The following MTA3 variants were observed in gnomAD, a reference collection of about 807,000 sequenced individuals.
MTA3 encodes metastasis-associated protein MTA3.
MTA3 carries 34 observed loss-of-function variants against 83.5 expected under a neutral mutation model. The ratio of observed to expected loss-of-function variants is 0.41; its 90% CI spans 0.31 to 0.54. The LOEUF is 0.54. Ranked by LOEUF, MTA3 falls within the 20% of genes least tolerant of loss-of-function variation. MTA3 has a pLI of 0.33. For missense variants in MTA3, 761 were observed against 726.4 expected, an observed-to-expected ratio of 1.05 and a Z score of -0.55; for synonymous variants, 303 against 252.7, an observed-to-expected ratio of 1.20 and a Z score of -1.89.
chr2:42,591,040 T>C (rs1680929807), intron 3 of MTA3, among the ~76,000 whole-genome samples: 1 of 152,208 alleles, frequency 6.6e-6, no homozygotes, highest in South Asian at 2.1e-4. Flanking sequence ...GACAAGGATA[T>C]GTTCTGAGAG....
chr2:42,675,029 G>A (rs762917552), intron 8 of MTA3, among the ~76,000 whole-genome samples: 3 of 151,732 alleles, frequency 2.0e-5, no homozygotes, highest in Non-Finnish European at 4.4e-5. Flanking sequence ...CTCCTGCCTT[G>A]GCCTCCCAGG....
upstream of MTA3, among the ~76,000 whole-genome samples, chr2:42,564,896 C>T (rs1299558890): frequency 1.3e-5 from 2 of 152,184 alleles, no homozygotes; most frequent in East Asian, 1.9e-4. Flanking sequence ...TCTGCCTCAG[C>T]CTCCTGAGTA....
intron 16 of MTA3, among the ~76,000 whole-genome samples, chr2:42,736,426 G>C (rs1668620800): frequency 6.6e-6 from 1 of 152,116 alleles, no homozygotes; most frequent in African/African-American, 2.4e-5. Context: ...GGCCTATGAT[G>C]ATCACTGCCT....
intron 2 of MTA3, among the ~76,000 whole-genome samples, chr2:42,557,279 A>C (rs910633234): frequency 2.2e-4 from 34 of 151,870 alleles, no homozygotes; most frequent in African/African-American, 8.0e-4. Flanking sequence ...ACTTTGTCTC[A>C]ATATAAATAA....
intron 3 of MTA3, among the ~76,000 whole-genome samples, chr2:42,584,212 A>G (rs1680004624): frequency 6.6e-6 from 1 of 152,144 alleles, no homozygotes; most frequent in South Asian, 2.1e-4. Context: ...AGAAGAATAC[A>G]GTATGCCTGG....
chr2:42,583,299 C>T (rs762214217), intron 3 of MTA3, among the ~76,000 whole-genome samples: 9 of 152,032 alleles, frequency 5.9e-5, no homozygotes, highest in African/African-American at 1.4e-4. Flanking sequence ...ACTATATATC[C>T]GGGAATGGTG....
intron 4 of MTA3, among the ~76,000 whole-genome samples, chr2:42,624,402 A>T (rs780032231): frequency 6.6e-6 from 1 of 151,972 alleles, no homozygotes; most frequent in East Asian, 1.9e-4. Context: ...GCTCACTGCA[A>T]CCTCCACCTC....
Position 42,568,780 on chromosome 2 carries a change from A to AGGCTC in MTA3, c.28+11_28+15dup. On this transcript the variant is annotated splice_region_variant and intron_variant, in intron 1 of 16. Transcript: ENST00000405094. ...AACATGTACCGGGTCGGAGGTAGGC[A>AGGCTC]GGCTCGGCCCGACCCGGCCCGTGTG... 2 of 1,215,556 alleles carry AGGCTC rather than the reference A, an allele frequency of 1.6e-6. No individual in the cohort carries two copies. The highest frequency in any genetic ancestry group is 1.6e-5 in the African/African-American group (1 of 63,468). The allele number at this position is 1,215,556 out of a possible 1,614,324, so 75.3% of individuals were successfully genotyped here.
rs562691868 is a variant in MTA3, at chr2:42,500,137, G to A, written c.-141+4883G>A. On this transcript the variant is annotated intron_variant, in intron 2 of 17. Transcript: ENST00000405592. Reference sequence around the variant, plus strand: ...TACAAAAATTTGGCCGGTGGCTCACGCCTATAATCTCAGCACTTTGTGAGG... The same window carrying A: ...TACAAAAATTTGGCCGGTGGCTCACACCTATAATCTCAGCACTTTGTGAGG... 8.5e-4 allele frequency among the ~76,000 whole-genome samples: 130 copies of A among 152,138 alleles called. 3 individuals carry two copies. Among genetic ancestry groups the A allele is most frequent in the African/African-American group, 2.7e-3 (111 of 41,512 alleles).
At chr2:42,516,737 T>A (rs1020661883) in intron 2 of MTA3, among the ~76,000 whole-genome samples, 13 of 152,164 alleles carry the variant, frequency 8.5e-5, no homozygotes, top group African/African-American at 3.1e-4. Context: ...TATTAAAGTA[T>A]GCAAAGAAAT....
At chr2:42,499,190 G>A (rs374539252) in intron 2 of MTA3, among the ~76,000 whole-genome samples, 2 of 144,496 alleles carry the variant, frequency 1.4e-5, no homozygotes, top group Admixed American at 6.9e-5. Flanking sequence ...TTTTTGAGAC[G>A]GAGTTTCACT....
rs1670040969 is a variant in MTA3 at position 42,753,585 on chromosome 2, C to T, written c.*186C>T. The T allele has an allele frequency of 7.1e-7, 1 of 1,410,910 alleles. No individual in the cohort carries two copies. Among genetic ancestry groups the T allele is most frequent in the African/African-American group, 1.4e-5 (1 of 69,052 alleles). 87.4% of individuals were successfully genotyped at this position (1,410,910 alleles called of 1,614,324 possible). On this transcript the variant is annotated 3_prime_UTR_variant, in exon 17 of 17. Transcript: ENST00000405094. ...AGTGCACGTTCCAAATCCTGTGTCT[C>T]CACGTGTGGATCAGCAGCACCTCGC... is the stretch of plus-strand genomic sequence containing the variant.
intron 4 of MTA3, among the ~76,000 whole-genome samples, chr2:42,610,449 T>G (rs937424243): frequency 2.6e-5 from 4 of 152,208 alleles, no homozygotes; most frequent in Non-Finnish European, 5.9e-5. Flanking sequence ...TTGGGCGATA[T>G]CTCTGGTTCT....
chr2:42,606,878 G>A (rs928225038), intron 3 of MTA3, among the ~76,000 whole-genome samples: 1 of 147,808 alleles, frequency 6.8e-6, no homozygotes, highest in Non-Finnish European at 1.5e-5. Context: ...AGGGGCTGGA[G>A]ACCGGCCTGG....
At chr2:42,606,236 G>T (rs1288194207) in intron 3 of MTA3, among the ~76,000 whole-genome samples, 1 of 146,344 alleles carries the variant, frequency 6.8e-6, no homozygotes. Context: ...GGTGGCTGCC[G>T]GGCGGAGACT....
At chr2:42,548,800 C>A (rs1297281101) in intron 2 of MTA3, among the ~76,000 whole-genome samples, 1 of 60,856 alleles carries the variant, frequency 1.6e-5, no homozygotes, top group African/African-American at 8.4e-5. Context: ...GAGACCCTGT[C>A]TCAAAAAAAA....
intron 2 of MTA3, among the ~76,000 whole-genome samples, chr2:42,546,243 T>C (rs1330328768): frequency 6.6e-6 from 1 of 152,132 alleles, no homozygotes; most frequent in African/African-American, 2.4e-5. Flanking sequence ...TCTCCATTGT[T>C]ACATGCTAAT....
chr2:42,598,661 A>G (rs994486474), intron 3 of MTA3, among the ~76,000 whole-genome samples: 2 of 152,162 alleles, frequency 1.3e-5, no homozygotes, highest in Non-Finnish European at 2.9e-5. Flanking sequence ...ATGTTTGTAT[A>G]ATTTGGCATT....
At chr2:42,658,841 G>A (rs758225323) in intron 7 of MTA3, among the ~76,000 whole-genome samples, 6 of 151,736 alleles carry the variant, frequency 4.0e-5, no homozygotes, top group East Asian at 3.9e-4. Context: ...TTGGGAGGCC[G>A]AGGCGGGAGG....
Sources: allele counts gnomAD v4.1 joint callset (sites outside exome capture counted in the v4.1 genomes callset), GRCh38; gene constraint gnomAD v4.1.1; transcripts MANE v1.5; gene names NCBI Gene and HGNC (gene_info 2026-07-23, HGNC 2026-07-21).